Variants in JADE1 observed in about 807,000 individuals in gnomAD.
The protein encoded by JADE1 is protein Jade-1.
A neutral mutation model predicts 81.8 loss-of-function variants in JADE1; 14 were observed. The ratio of observed to expected loss-of-function variants is 0.17; its 90% confidence interval spans 0.11 to 0.27. The LOEUF is 0.27. Ranked by LOEUF, JADE1 falls within the 10% of genes least tolerant of loss-of-function variation. The pLI, the probability that JADE1 is intolerant of heterozygous loss-of-function variation, is 1.00. For missense variants in JADE1, 690 were observed against 1,047.9 expected (o/e 0.66, Z 4.71); for synonymous variants, 353 against 391.9 (o/e 0.90, Z 1.17).
rs1358061853 is a variant in JADE1 at position 128,871,398 on chromosome 4, T to C, written c.1665T>C (p.Leu555=). 6.2e-7 allele frequency: 1 copy of C among 1,614,010 alleles called. No individual in the cohort carries two copies. The highest frequency in any genetic ancestry group is 2.2e-5 in the East Asian group (1 of 44,900). ...CCTCCTCCTCACTGGAAAACATGCT[T>C]TTGTTTAACAGTCCTTCTGTTGGCC... The part of the protein sequence containing the change: ...SCSSSSLENM[L]LFNSPSVGPD... Residue 555 remains leucine (L), a synonymous_variant, in exon 11 of 11, where the codon CTT becomes CTC. Coordinates refer to ENST00000226319, the MANE Select transcript of JADE1 (RefSeq NM_199320.4). The surrounding 1 kb of genome is among the most constrained non-coding windows in gnomAD (Gnocchi z 4.1).
chr4:128,828,566 C>T (rs1362439549), intron 1 of JADE1, among the ~76,000 whole-genome samples: 1 of 152,098 alleles, frequency 6.6e-6, no homozygotes, highest in African/African-American at 2.4e-5. Context: ...TACTCAAGAT[C>T]TTCAGCGGAT....
At chr4:128,827,605 T>C (rs1372481587) in intron 1 of JADE1, among the ~76,000 whole-genome samples, 1 of 152,220 alleles carries the variant, frequency 6.6e-6, no homozygotes, top group African/African-American at 2.4e-5. Flanking sequence ...ACTTTGGACT[T>C]AGACCTATTT....
chr4:128,812,484 C>G (rs751507231), intron 1 of JADE1, among the ~76,000 whole-genome samples: 3 of 152,090 alleles, frequency 2.0e-5, no homozygotes, highest in Admixed American at 6.5e-5. Flanking sequence ...CTCACGTCCC[C>G]TCTCACTCCG....
At chr4:128,858,232 A>G (rs1730964790) in intron 8 of JADE1, among the ~76,000 whole-genome samples, 1 of 152,202 alleles carries the variant, frequency 6.6e-6, no homozygotes, top group Non-Finnish European at 1.5e-5. Flanking sequence ...TATAGATGGC[A>G]TGCTGTTTTT....
intron 6 of JADE1, among the ~76,000 whole-genome samples, chr4:128,855,415 A>G (rs1292953693): frequency 6.6e-6 from 1 of 152,202 alleles, no homozygotes; most frequent in Non-Finnish European, 1.5e-5. Flanking sequence ...GCTCACCTCT[A>G]TTATGAATAC....
chr4:128,828,900 G>A (rs1266255239), intron 1 of JADE1, among the ~76,000 whole-genome samples: 4 of 152,054 alleles, frequency 2.6e-5, no homozygotes, highest in Admixed American at 1.3e-4. Flanking sequence ...CTGCCCTGGC[G>A]TCCCAAAGTT....
At chr4:128,866,301 A>G (rs140497765) in intron 9 of JADE1, among the ~76,000 whole-genome samples, 2 of 152,360 alleles carry the variant, frequency 1.3e-5, no homozygotes, top group African/African-American at 4.8e-5. Flanking sequence ...AGGAAATGTT[A>G]GTGACATAAG....
chr4:128,813,944 T>C (rs1215532419), intron 1 of JADE1, among the ~76,000 whole-genome samples: 2 of 152,058 alleles, frequency 1.3e-5, no homozygotes, highest in Non-Finnish European at 2.9e-5. Flanking sequence ...AACTTGAACT[T>C]GATTCCACCT....
intron 6 of JADE1, among the ~76,000 whole-genome samples, chr4:128,853,617 T>G (rs1013252806): frequency 6.6e-6 from 1 of 152,216 alleles, no homozygotes. Context: ...TGGGGACATG[T>G]GCCCACGTAT....
chr4:128,862,269 A>G, intron 9 of JADE1, 44 bp downstream of exon 9: 1 of 1,611,506 alleles, frequency 6.2e-7, no homozygotes, highest in Non-Finnish European at 8.5e-7. Context: ...AGAGAAGAAG[A>G]TGCAAAGAGG....
At chr4:128,854,346 T>C (rs1340503386) in intron 6 of JADE1, among the ~76,000 whole-genome samples, 1 of 152,216 alleles carries the variant, frequency 6.6e-6, no homozygotes, top group Non-Finnish European at 1.5e-5. Flanking sequence ...TAAGGCATAC[T>C]TTATGTAATC....
chr4:128,867,555 G>C (rs904456485), intron 9 of JADE1, among the ~76,000 whole-genome samples: 1 of 152,206 alleles, frequency 6.6e-6, no homozygotes, highest in Non-Finnish European at 1.5e-5. Context: ...GCCGGGATGG[G>C]TTAGGTGTGA....
At chr4:128,837,481 T>C (rs185982593) in intron 2 of JADE1, among the ~76,000 whole-genome samples, 50 of 152,292 alleles carry the variant, frequency 3.3e-4, no homozygotes, top group Non-Finnish European at 5.9e-4. Context: ...TGGGCTACGC[T>C]GGGGTAAAAA....
intron 1 of JADE1, chr4:128,810,296 G>A (rs1553940317): frequency 6.6e-6 from 1 of 151,802 alleles, no homozygotes; most frequent in Non-Finnish European, 1.5e-5. Context: ...GGATCAGTAA[G>A]TTTTATTATG....
At chr4:128,858,139 G>A (rs1246549773) in intron 8 of JADE1, among the ~76,000 whole-genome samples, 1 of 152,184 alleles carries the variant, frequency 6.6e-6, no homozygotes, top group Non-Finnish European at 1.5e-5. Context: ...ACACCTGTGT[G>A]TAAACATGTT....
chr4:128,834,387 C>A (rs1728799006), intron 2 of JADE1, among the ~76,000 whole-genome samples: 2 of 152,058 alleles, frequency 1.3e-5, no homozygotes, highest in Non-Finnish European at 2.9e-5. Flanking sequence ...ACCCTAATAG[C>A]CTCATTTTAA....
chr4:128,840,540 T>TTCCTCG (rs1331670278), intron 2 of JADE1, among the ~76,000 whole-genome samples: 1 of 152,194 alleles, frequency 6.6e-6, no homozygotes, highest in East Asian at 1.9e-4. Context: ...GCGTGTGCTT[T>TTCCTCG]TCCTCGTCTC....
intron 2 of JADE1, among the ~76,000 whole-genome samples, chr4:128,836,936 T>TAAGAACAAAG (rs1161138538): frequency 4.6e-5 from 7 of 152,096 alleles, no homozygotes; most frequent in African/African-American, 1.7e-4. Flanking sequence ...TTTTGTTGGT[T>TAAGAACAAAG]TTGGTTGTTC....
rs142181529 is a variant in JADE1 at position 128,829,727 on chromosome 4, A to G, written c.-26-2006A>G. Among the ~76,000 whole-genome samples, 235 of 152,356 alleles carry G rather than the reference A, an allele frequency of 1.5e-3. 3 individuals carry two copies. The highest frequency in any genetic ancestry group is 0.014 in the East Asian group (72 of 5,190). ...AGAAGAGTTAGACCTGAAGGCTTATATACAATTTTAACAGAGGGTGATAAA... is the reference window on the plus strand; with the variant it reads ...AGAAGAGTTAGACCTGAAGGCTTATGTACAATTTTAACAGAGGGTGATAAA... On this transcript the variant is annotated intron_variant, in intron 1 of 10. Transcript: ENST00000226319.
Sources: gnomAD v4.1 joint callset for allele counts (sites outside exome capture counted in the v4.1 genomes callset) on GRCh38, gnomAD v4.1.1 for gene constraint, Gnocchi (gnomAD v3.1) non-coding constraint, MANE v1.5 for transcripts, NCBI Gene and HGNC (gene_info 2026-07-23, HGNC 2026-07-21) for gene names.